The following CFAP20DC variants were observed in gnomAD, a reference collection of about 807,000 sequenced individuals.
CFAP20DC encodes the protein CFAP20 domain containing.
CFAP20DC carries 84 observed loss-of-function variants against 101.7 expected under a neutral mutation model. That is an observed-to-expected ratio of 0.83 (90% CI 0.69 to 0.99). CFAP20DC has a LOEUF of 0.99. Among genes scored for constraint, CFAP20DC ranks in the 50% least tolerant of loss-of-function variants. The pLI is 0.00. For missense variants in CFAP20DC, 1,007 were observed against 970.3 expected (o/e 1.04, Z -0.50); for synonymous variants, 359 against 351.2 (o/e 1.02, Z -0.25).
intron 4 of CFAP20DC, among the ~76,000 whole-genome samples, chr3:58,995,098 T>A (rs1035123671): frequency 6.6e-6 from 1 of 152,204 alleles, no homozygotes; most frequent in Non-Finnish European, 1.5e-5. Flanking sequence ...CTGCACTACC[T>A]ATATCCCTTT....
rs1181219992 is a variant in CFAP20DC, at chr3:58,861,242, G to C, written c.1593+2316C>G. The C allele has an allele frequency of 2.0e-6, 1 of 507,782 alleles. No individual in the cohort carries two copies. The highest frequency in any genetic ancestry group is 2.5e-6 in the Non-Finnish European group (1 of 393,664). The allele number at this position is 507,782 out of a possible 1,614,324, so 31.5% of individuals were successfully genotyped here. A position where few individuals can be genotyped will look rare whatever the true frequency, so the allele number is the denominator to read the frequency against. Reference sequence around the variant, plus strand: ...ACTCAATGGGCTAACATCAAATAAAGTCTTTTAATTACACTTTATAAACTT... The same window carrying C: ...ACTCAATGGGCTAACATCAAATAAACTCTTTTAATTACACTTTATAAACTT... On this transcript the variant is annotated intron_variant, in intron 12 of 16. Transcript: ENST00000482387. This position sits in a 1 kb window ranked among gnomAD's most constrained non-coding sequence, Gnocchi z 4.0.
At chr3:58,921,375 T>C (rs1347545850) in intron 5 of CFAP20DC, among the ~76,000 whole-genome samples, 2 of 152,138 alleles carry the variant, frequency 1.3e-5, no homozygotes, top group African/African-American at 4.8e-5. Flanking sequence ...CATTAAAAGC[T>C]ATAAATTTCC....
Position 59,049,873 on chromosome 3 carries a change from G to A in CFAP20DC, c.-242C>T. ...CCTCCGCGGTGCCCGGGTCTGGGGA[G>A]GGCGCAGCTGCCTGGACGGACTCCG... On this transcript the variant is annotated 5_prime_UTR_variant, in exon 1 of 17. Coordinates refer to ENST00000482387, the MANE Select transcript of CFAP20DC (RefSeq NM_001394063.1). The A allele has an allele frequency of 1.7e-6, 1 of 580,162 alleles. No homozygotes were observed. The highest frequency in any genetic ancestry group is 2.1e-5 in the South Asian group (1 of 47,516). The allele number at this position is 580,162 out of a possible 1,614,324, so 35.9% of individuals were successfully genotyped here. A position where few individuals can be genotyped will look rare whatever the true frequency, so the allele number is the denominator to read the frequency against.
chr3:58,831,917 G>C (rs1288874406), intron 13 of CFAP20DC, 28 bp from the exon 14 acceptor site: 5 of 1,596,128 alleles, frequency 3.1e-6, no homozygotes, highest in Admixed American at 1.7e-5. Flanking sequence ...AAATAACAAA[G>C]GGTCATTTGG....
At chr3:58,982,469 A>G (rs560206443) in intron 4 of CFAP20DC, among the ~76,000 whole-genome samples, 62 of 152,192 alleles carry the variant, frequency 4.1e-4, no homozygotes, top group African/African-American at 1.3e-3. Flanking sequence ...ATGTCCAACA[A>G]TGATAGACTG....
At chr3:59,042,776 T>C (rs1699510648) in intron 3 of CFAP20DC, among the ~76,000 whole-genome samples, 1 of 152,160 alleles carries the variant, frequency 6.6e-6, no homozygotes, top group African/African-American at 2.4e-5. Flanking sequence ...ATTAGGTTAC[T>C]ACAATAATCC....
chr3:58,744,489 TAA>T (rs2068060551), intron 16 of CFAP20DC, among the ~76,000 whole-genome samples: 1 of 152,162 alleles, frequency 6.6e-6, no homozygotes, highest in Admixed American at 6.5e-5. Context: ...TACATTTTAA[TAA>T]GTCAGGTTTG....
At chr3:58,823,908 G>A (rs377603297) in intron 14 of CFAP20DC, among the ~76,000 whole-genome samples, 4 of 151,998 alleles carry the variant, frequency 2.6e-5, no homozygotes, top group South Asian at 2.1e-4. Flanking sequence ...GTTTTGCCAC[G>A]TTACTAAATT....
At chr3:58,769,760 T>C (rs764543963) in intron 15 of CFAP20DC, among the ~76,000 whole-genome samples, 6 of 152,152 alleles carry the variant, frequency 3.9e-5, no homozygotes, top group South Asian at 2.1e-4. Context: ...ATCTCTACCA[T>C]AGCAAAAGGC....
chr3:58,979,499 C>T (rs920098724), intron 4 of CFAP20DC, among the ~76,000 whole-genome samples: 6 of 152,196 alleles, frequency 3.9e-5, no homozygotes, highest in African/African-American at 1.4e-4. Flanking sequence ...GAATGAGCCA[C>T]CTTTGTTAAT....
rs559993161 is a variant in CFAP20DC at position 58,822,105 on chromosome 3, T to C, written c.2175+9581A>G. Among the ~76,000 whole-genome samples the C allele has an allele frequency of 2.9e-3, 333 of 114,978 alleles. 1 individual carries two copies. Among genetic ancestry groups the C allele is most frequent in the African/African-American group, 0.011 (316 of 27,746 alleles). 75.4% of individuals were successfully genotyped at this position (114,978 alleles called of 152,430 possible). On this transcript the variant is annotated intron_variant, in intron 14 of 16. Transcript: ENST00000482387. The stretch of plus-strand genomic sequence containing the variant: ...GTGGGAATTGAACAATGAGATCACA[T>C]GGACACAGGAAGGGGAATATCATAC...
chr3:58,937,777 G>T lies in CFAP20DC; in HGVS notation c.279-15C>A. On this transcript the variant is annotated splice_polypyrimidine_tract_variant and intron_variant, in intron 4 of 16. Transcript: ENST00000482387. ...AATCAGTAATTCTGAAAACATGGAG[G>T]AGAGAAGACAGAAAGATTCCCATCA... 1 of 1,363,648 alleles carries T rather than the reference G, an allele frequency of 7.3e-7. No individual in the cohort carries two copies. The highest frequency in any genetic ancestry group is 1.2e-5 in the South Asian group (1 of 84,530). 84.5% of individuals were successfully genotyped at this position (1,363,648 alleles called of 1,614,324 possible). A position where few individuals can be genotyped will look rare whatever the true frequency, so the allele number is the denominator to read the frequency against.
At chr3:58,839,789 CTCT>C (rs2076975860) in intron 13 of CFAP20DC, among the ~76,000 whole-genome samples, 1 of 152,144 alleles carries the variant, frequency 6.6e-6, no homozygotes, top group Non-Finnish European at 1.5e-5. Context: ...GAAATTTCTC[CTCT>C]TCATTAGAGT....
chr3:58,856,583 C>G (rs1352294657), intron 12 of CFAP20DC, among the ~76,000 whole-genome samples: 1 of 152,160 alleles, frequency 6.6e-6, no homozygotes, highest in Admixed American at 6.5e-5. Flanking sequence ...TTGAAGAACT[C>G]TGCCTTCAGG....
intron 13 of CFAP20DC, among the ~76,000 whole-genome samples, chr3:58,833,893 G>C (rs1020079759): frequency 1.3e-5 from 2 of 152,132 alleles, no homozygotes; most frequent in African/African-American, 4.8e-5. Context: ...GAGTAATGAA[G>C]GGCTGGATGA....
intron 14 of CFAP20DC, among the ~76,000 whole-genome samples, chr3:58,827,237 T>TA (rs796269263): frequency 6.6e-6 from 1 of 151,898 alleles, no homozygotes; most frequent in Non-Finnish European, 1.5e-5. Flanking sequence ...AAGTCTTTAA[T>TA]AAAAAATTAG....
At chr3:58,947,982 C>T (rs747562597) in intron 4 of CFAP20DC, among the ~76,000 whole-genome samples, 7 of 152,182 alleles carry the variant, frequency 4.6e-5, no homozygotes, top group Admixed American at 1.3e-4. Context: ...GGGTTACGGG[C>T]TGCCTTTAGG....
In CFAP20DC at chr3:58,771,867, G is replaced by A. The variant is rs552308049; in HGVS notation, c.2238-18004C>T. The stretch of plus-strand genomic sequence containing the variant: ...ACATCTCCACGACTTATCTCTCATC[G>A]TTATAATGGTATATAGTCTTCTGGG... On this transcript the variant is annotated intron_variant, in intron 15 of 16. Transcript: ENST00000482387. Among the ~76,000 whole-genome samples, 20 of 152,172 alleles carry A rather than the reference G, an allele frequency of 1.3e-4. No individual in the cohort carries two copies. In the South Asian group the frequency reaches 2.9e-3, roughly 22 times the overall value.
At chr3:58,770,542 G>A (rs1327334906) in intron 15 of CFAP20DC, among the ~76,000 whole-genome samples, 1 of 152,218 alleles carries the variant, frequency 6.6e-6, no homozygotes, top group Non-Finnish European at 1.5e-5. Context: ...GGTTATTCCT[G>A]AAGGATGAGA....
Sources: gnomAD v4.1 joint callset for allele counts (sites outside exome capture counted in the v4.1 genomes callset) on GRCh38, gnomAD v4.1.1 for gene constraint, Gnocchi (gnomAD v3.1) non-coding constraint, MANE v1.5 for transcripts, NCBI Gene and HGNC (gene_info 2026-07-23, HGNC 2026-07-21) for gene names.